DARS1: variants seen among roughly 807,000 people sequenced by gnomAD.
The protein encoded by DARS1 is aspartate--tRNA ligase, cytoplasmic.
Under a neutral mutation model 68.8 loss-of-function variants are expected in DARS1, and 51 were observed. That is an observed-to-expected ratio of 0.74 (90% CI 0.59 to 0.94). The LOEUF (loss-of-function observed/expected upper bound fraction) is 0.94, where lower values mean the gene tolerates loss of function less well. DARS1 is among the 40% of genes least tolerant of loss of function. The pLI, the probability that DARS1 is intolerant of heterozygous loss-of-function variation, is 0.00. For missense variants in DARS1, 607 were observed against 597.3 expected, an observed-to-expected ratio of 1.02 and a Z score of -0.17; for synonymous variants, 203 against 190.4, an observed-to-expected ratio of 1.07 and a Z score of -0.55.
intron 4 of DARS1, 97 bp from the exon 5 acceptor site, chr2:135,943,577 T>C (rs1681654978): frequency 1.3e-6 from 2 of 1,510,912 alleles, no homozygotes; most frequent in African/African-American, 1.4e-5. Flanking sequence ...TTAAACTCTT[T>C]TTTAATACAG....
chr2:135,979,121 A>C, intron 3 of DARS1, 153 bp downstream of exon 3: 1 of 533,806 alleles, frequency 1.9e-6, no homozygotes, highest in Non-Finnish European at 3.3e-6. Flanking sequence ...AAATTGATTA[A>C]CCATGGGTTA....
At chr2:135,920,342 T>C (rs1681088507) in intron 10 of DARS1, 111 bp downstream of exon 10, 2 of 1,425,862 alleles carry the variant, frequency 1.4e-6, no homozygotes, top group African/African-American at 1.5e-5. Flanking sequence ...TAAATCTTTA[T>C]ATATATGTTC....
chr2:135,925,409 C>A (rs1050273616), intron 7 of DARS1, among the ~76,000 whole-genome samples: 1 of 152,128 alleles, frequency 6.6e-6, no homozygotes, highest in Admixed American at 6.5e-5. Flanking sequence ...AGTCTCATTA[C>A]GAGAATTTCA....
intron 3 of DARS1, 120 bp downstream of exon 3, chr2:135,979,154 A>G (rs1400279780): frequency 1.5e-6 from 1 of 658,644 alleles, no homozygotes; most frequent in East Asian, 2.6e-5. Context: ...GACTTTTAAG[A>G]AAGAAAAGTT....
chr2:135,908,065 C>A, intron 15 of DARS1, among the ~76,000 whole-genome samples: 1 of 152,054 alleles, frequency 6.6e-6, no homozygotes, highest in East Asian at 1.9e-4. Flanking sequence ...TCCATCCGGA[C>A]TCATATTAAA....
rs147198459 is a variant in DARS1, at chr2:135,909,012, C to A, written c.1415-1605G>T. On this transcript the variant is annotated intron_variant, in intron 15 of 15. Transcript: ENST00000264161. ...CATGGATGAAGCTGGAAGCCATTAT[C>A]CTCAGCAAACTAATGCAGGAACAGA... Among the ~76,000 whole-genome samples, 1,298 of 152,214 alleles carry A rather than the reference C, an allele frequency of 8.5e-3. 12 individuals carry two copies. Among genetic ancestry groups the A allele is most frequent in the African/African-American group, 0.028 (1,160 of 41,526 alleles).
At position 135,908,548 on chromosome 2, in the gene DARS1, C is replaced by T. The variant is rs556366228; in HGVS notation, c.1415-1141G>A. ...TCCCACCAACAGTGTAAAAGCATTC[C>T]TATTTCTCTGCAACCTTGTCAGCAT... On this transcript the variant is annotated intron_variant, in intron 15 of 15. Coordinates refer to ENST00000264161, the MANE Select transcript of DARS1 (RefSeq NM_001349.4). 1.7e-4 allele frequency among the ~76,000 whole-genome samples: 26 copies of T among 152,328 alleles called. No individual in the cohort carries two copies. The South Asian group carries it at 5.0e-3, about 29-fold the overall frequency.
chr2:135,943,048 A>G lies in DARS1; in HGVS notation c.423+330T>C, dbSNP rs537171099. 3.2e-4 allele frequency: 60 copies of G among 188,086 alleles called. 1 individual carries two copies. The highest frequency in any genetic ancestry group is 2.6e-4 in the Non-Finnish European group (24 of 91,046). The allele number at this position is 188,086 out of a possible 1,614,324, so 11.7% of individuals were successfully genotyped here. On this transcript the variant is annotated intron_variant, in intron 5 of 15. Transcript: ENST00000264161. The stretch of plus-strand genomic sequence containing the variant: ...CTTTGGGAACCCTCCTGGTACCTGA[A>G]TATCAACATATCTGGGCTAGCCTGC...
chr2:135,935,025 G>A (rs1158217781), intron 5 of DARS1, among the ~76,000 whole-genome samples: 4 of 151,698 alleles, frequency 2.6e-5, no homozygotes, highest in African/African-American at 9.7e-5. Context: ...TCGTGACCTC[G>A]TGATCTGCCT....
chr2:135,924,602 A>AT, intron 7 of DARS1, 104 bp from the exon 8 acceptor site: 1 of 1,445,734 alleles, frequency 6.9e-7, no homozygotes, highest in South Asian at 1.5e-5. Context: ...TGCTTTCAAC[A>AT]TTTTTAAATT....
intron 4 of DARS1, among the ~76,000 whole-genome samples, chr2:135,953,353 C>T (rs1681891150): frequency 1.3e-5 from 2 of 152,214 alleles, no homozygotes; most frequent in Admixed American, 1.3e-4. Context: ...CCTGCATCCA[C>T]AATCTTAGTA....
intron 7 of DARS1, among the ~76,000 whole-genome samples, 175 bp downstream of exon 7, chr2:135,932,608 T>A (rs892034743): frequency 1.1e-4 from 16 of 152,194 alleles, no homozygotes; most frequent in African/African-American, 3.6e-4. Flanking sequence ...CCGCTCCTGT[T>A]GCCTGCAATT....
At chr2:135,968,885 C>T (rs1394995178) in intron 3 of DARS1, among the ~76,000 whole-genome samples, 1 of 152,064 alleles carries the variant, frequency 6.6e-6, no homozygotes, top group Admixed American at 6.5e-5. Flanking sequence ...TGGTCTTGAA[C>T]TCCTGGATTC....
intron 7 of DARS1, among the ~76,000 whole-genome samples, chr2:135,925,743 T>G (rs947260856): frequency 2.0e-5 from 3 of 152,358 alleles, no homozygotes; most frequent in South Asian, 2.1e-4. Context: ...CTTGCATTTT[T>G]TTCACATTAT....
In DARS1 at chr2:135,945,316, CA is replaced by C. The variant is rs201251920; in HGVS notation, c.321-1837del. On this transcript the variant is annotated intron_variant, in intron 4 of 15. Coordinates refer to ENST00000264161, the MANE Select transcript of DARS1 (RefSeq NM_001349.4). ...CTAATTTTTGTATGTTTAGCAGAGA[CA>C]GGGTTTCACCATGTTGGCCAGGGTG... 9.0e-3 allele frequency among the ~76,000 whole-genome samples: 1,368 copies of C among 152,162 alleles called. 16 individuals carry two copies. The highest frequency in any genetic ancestry group is 0.029 in the African/African-American group (1,213 of 41,508).
intron 4 of DARS1, among the ~76,000 whole-genome samples, chr2:135,961,070 A>G (rs1236652007): frequency 1.3e-5 from 2 of 152,076 alleles, no homozygotes; most frequent in East Asian, 3.9e-4. Context: ...GGAAGGAGGG[A>G]GGAAATGAAG....
At chr2:135,936,477 C>A (rs1412197406) in intron 5 of DARS1, among the ~76,000 whole-genome samples, 1 of 151,960 alleles carries the variant, frequency 6.6e-6, no homozygotes, top group South Asian at 2.1e-4. Context: ...CTCACTGTAA[C>A]CTCCAACTCC....
intron 7 of DARS1, among the ~76,000 whole-genome samples, chr2:135,928,890 C>A (rs958310342): frequency 1.3e-5 from 2 of 152,022 alleles, no homozygotes; most frequent in Non-Finnish European, 1.5e-5. Flanking sequence ...CCACTGTGCT[C>A]GGCCAGAATT....
chr2:135,981,463 T>C (rs1558803160), intron 2 of DARS1, among the ~76,000 whole-genome samples: 1 of 152,132 alleles, frequency 6.6e-6, no homozygotes. Context: ...AGTGCTGACA[T>C]GATGGTCAAA....
Sources: allele counts gnomAD v4.1 joint callset (sites outside exome capture counted in the v4.1 genomes callset), GRCh38; gene constraint gnomAD v4.1.1; transcripts MANE v1.5; gene names NCBI Gene and HGNC (gene_info 2026-07-23, HGNC 2026-07-21).